The following ADCY5 variants were observed in gnomAD, a reference collection of about 807,000 sequenced individuals.
ADCY5 encodes the protein adenylate cyclase type 5.
ADCY5 carries 30 observed loss-of-function variants against 119.7 expected under a neutral mutation model. The observed-to-expected ratio is 0.25, with a 90% CI of 0.19 to 0.34. The LOEUF is 0.34. Ranked by LOEUF, ADCY5 falls within the 10% of genes least tolerant of loss-of-function variation. The pLI is 1.00. For synonymous variants in ADCY5, 753 were observed against 762.2 expected (o/e 0.99, Z 0.20); for missense variants, 1,324 against 1,775.2 (o/e 0.75, Z 4.57).
At chr3:123,407,639 C>T (rs1340817858) in intron 1 of ADCY5, among the ~76,000 whole-genome samples, 1 of 145,870 alleles carries the variant, frequency 6.9e-6, no homozygotes, top group Non-Finnish European at 1.5e-5. Flanking sequence ...TATGCACCTG[C>T]AGTCTCAGCT....
intron 13 of ADCY5, 59 bp from the exon 14 acceptor site, chr3:123,303,278 AGCCCAGC>A (rs1261592103): frequency 6.4e-7 from 1 of 1,553,914 alleles, no homozygotes; most frequent in African/African-American, 1.4e-5. Flanking sequence ...CAGGTAGAGC[AGCCCAGC>A]CCACCAGGCC....
intron 1 of ADCY5, among the ~76,000 whole-genome samples, chr3:123,438,229 G>A (rs138644377): frequency 3.7e-4 from 57 of 152,266 alleles, no homozygotes; most frequent in Non-Finnish European, 5.0e-4. Context: ...AGTCAAATGT[G>A]TTTGAAAAAG....
At position 123,304,139 on chromosome 3, in the gene ADCY5, C is replaced by G. The variant is rs139747522; in HGVS notation, c.2487G>C (p.Arg829=). 1 of 1,613,528 alleles carries G rather than the reference C, an allele frequency of 6.2e-7. No homozygotes were observed. The highest frequency in any genetic ancestry group is 8.5e-7 in the Non-Finnish European group (1 of 1,179,902). ...PLQTLSRKIV[R]SKMNSTLVGV... is the part of the protein sequence containing the mutation. ...CAACCAGGGTGCTGTTCATCTTGGACCGCACGATCTTCCTGGAGAGGGTCT... is the reference window on the plus strand; with the variant it reads ...CAACCAGGGTGCTGTTCATCTTGGAGCGCACGATCTTCCTGGAGAGGGTCT... Residue 829 remains arginine (R), a synonymous_variant, in exon 13 of 21, where the codon CGG becomes CGC. Coordinates refer to ENST00000462833, the MANE Select transcript of ADCY5 (RefSeq NM_183357.3).
Position 123,304,193 on chromosome 3 carries a change from G to T in ADCY5, c.2443-10C>A. ...GTGGGGAGGGGAAGAGCTAGGGTGGGGGCAGGGGTGGAGAGGGAGGGAGGG... is the reference window on the plus strand; with the variant it reads ...GTGGGGAGGGGAAGAGCTAGGGTGGTGGCAGGGGTGGAGAGGGAGGGAGGG... On this transcript the variant is annotated splice_polypyrimidine_tract_variant and intron_variant, in intron 12 of 20. Transcript: ENST00000462833. The T allele has an allele frequency of 6.9e-7, 1 of 1,458,522 alleles. No individual in the cohort carries two copies. The highest frequency in any genetic ancestry group is 1.7e-5 in the Admixed American group (1 of 59,214). 90.3% of individuals were successfully genotyped at this position (1,458,522 alleles called of 1,614,324 possible).
chr3:123,291,479 G>A (rs949224350), intron 17 of ADCY5, 103 bp from the exon 18 acceptor site: 59 of 1,413,972 alleles, frequency 4.2e-5, no homozygotes, highest in East Asian at 3.1e-4. Flanking sequence ...CACCAGTCAC[G>A]CAAATGCCAA....
At chr3:123,288,062 C>T (rs573592363) in intron 19 of ADCY5, among the ~76,000 whole-genome samples, 1 of 152,368 alleles carries the variant, frequency 6.6e-6, no homozygotes, top group Admixed American at 6.5e-5. Flanking sequence ...GGCTGCACAT[C>T]ACTTAAAGCA....
At position 123,314,372 on chromosome 3, in the gene ADCY5, T is replaced by C. The variant is rs1354580133; in HGVS notation, c.2355-50A>G. On this transcript the variant is annotated intron_variant, in intron 11 of 20. Coordinates refer to ENST00000462833, the MANE Select transcript of ADCY5 (RefSeq NM_183357.3). ...AGAAGCCAGGCTCAGGTGGCAGGGC[T>C]GCAGCTTCTGGGGGACCTGCCTGGC... 3 of 1,463,480 alleles carry C rather than the reference T, an allele frequency of 2.0e-6. No homozygotes were observed. The East Asian group carries it at 7.0e-5, about 34-fold the overall frequency. The allele number at this position is 1,463,480 out of a possible 1,614,324, so 90.7% of individuals were successfully genotyped here.
Position 123,448,455 on chromosome 3 carries a change from C to T in ADCY5, c.91G>A (p.Ala31Thr). The part of the protein sequence containing the change: ...APRGGPEHRS[A>T]WGEADSRANG... The stretch of plus-strand genomic sequence containing the variant: ...GCGCGGGAATCGGCCTCGCCCCACG[C>T]AGAGCGGTGTTCGGGGCCTCCCCGG... The change falls in exon 1 of 21, where the codon GCG becomes ACG. Residue 31 changes from alanine (A) to threonine (T), a missense_variant. Coordinates refer to ENST00000462833, the MANE Select transcript of ADCY5 (RefSeq NM_183357.3). 3.8e-6 allele frequency: 5 copies of T among 1,301,450 alleles called. No homozygotes were observed. The highest frequency in any genetic ancestry group is 3.1e-5 in the East Asian group (1 of 32,082). 80.6% of individuals were successfully genotyped at this position (1,301,450 alleles called of 1,614,324 possible). A position where few individuals can be genotyped will look rare whatever the true frequency, so the allele number is the denominator to read the frequency against.
intron 3 of ADCY5, among the ~76,000 whole-genome samples, chr3:123,346,129 G>T (rs541852341): frequency 6.6e-6 from 1 of 152,244 alleles, no homozygotes; most frequent in Admixed American, 6.5e-5. Flanking sequence ...CAAGCTCTGC[G>T]TAGGTGTGAC....
At chr3:123,294,902 C>A (rs1009836858) in intron 17 of ADCY5, among the ~76,000 whole-genome samples, 1 of 152,096 alleles carries the variant, frequency 6.6e-6, no homozygotes, top group Admixed American at 6.5e-5. Flanking sequence ...AAAATGAGAG[C>A]CTCCTGGAAA....
chr3:123,291,723 C>A (rs370671423), intron 17 of ADCY5, among the ~76,000 whole-genome samples: 10 of 152,196 alleles, frequency 6.6e-5, no homozygotes, highest in Non-Finnish European at 1.5e-4. Flanking sequence ...CAGAACCAGG[C>A]TGGAAGGGAA....
At chr3:123,312,060 C>G (rs1266906976) in intron 12 of ADCY5, among the ~76,000 whole-genome samples, 1 of 152,182 alleles carries the variant, frequency 6.6e-6, no homozygotes, top group African/African-American at 2.4e-5. Context: ...GTGAAGGTGG[C>G]TGCAGGCAGG....
chr3:123,321,373 T>C (rs1941209621), intron 8 of ADCY5, among the ~76,000 whole-genome samples: 1 of 152,218 alleles, frequency 6.6e-6, no homozygotes, highest in African/African-American at 2.4e-5. Flanking sequence ...GGAACCCACC[T>C]GCCACAGATC....
Position 123,447,276 on chromosome 3 carries a change from T to C in ADCY5, c.1134+136A>G, listed in dbSNP as rs1278198101. 12 of 1,016,048 alleles carry C rather than the reference T, an allele frequency of 1.2e-5. No individual in the cohort carries two copies. In the Admixed American group the frequency reaches 2.2e-4, roughly 18 times the overall value. 62.9% of individuals were successfully genotyped at this position (1,016,048 alleles called of 1,614,324 possible). A position where few individuals can be genotyped will look rare whatever the true frequency, so the allele number is the denominator to read the frequency against. On this transcript the variant is annotated intron_variant, in intron 1 of 20. Coordinates refer to ENST00000462833, the MANE Select transcript of ADCY5 (RefSeq NM_183357.3). ...CAGAGTGGGGTAAGAAGCTCCCAAA[T>C]AGCCTACATGGCCGAGCCCTGTCTC... is the stretch of plus-strand genomic sequence containing the variant.
chr3:123,353,831 G>A (rs555293667), intron 1 of ADCY5, among the ~76,000 whole-genome samples: 3 of 152,300 alleles, frequency 2.0e-5, no homozygotes, highest in East Asian at 3.9e-4. Context: ...ACAGCTTTGC[G>A]ATGGTCCTGC....
intron 1 of ADCY5, among the ~76,000 whole-genome samples, chr3:123,357,025 TG>T (rs973912993): frequency 7.9e-5 from 12 of 152,132 alleles, no homozygotes; most frequent in African/African-American, 2.9e-4. Flanking sequence ...CATTTAGATG[TG>T]GGCAAAACTG....
intron 1 of ADCY5, among the ~76,000 whole-genome samples, chr3:123,425,250 G>C (rs924017): frequency 0.99 from 150,843 of 152,320 alleles, 74,711 homozygotes; most frequent in Middle Eastern, 1. Context: ...TCATTACAAC[G>C]TCACACTCCA....
chr3:123,399,512 AT>A (rs78904027), intron 1 of ADCY5, among the ~76,000 whole-genome samples: 50 of 149,136 alleles, frequency 3.4e-4, no homozygotes, highest in African/African-American at 6.1e-4. Flanking sequence ...TCTTAGGCTT[AT>A]TTTTTTTTTA....
chr3:123,284,887 C>G (rs1019964748), intron 20 of ADCY5, 151 bp from the exon 21 acceptor site: 2 of 1,045,220 alleles, frequency 1.9e-6, no homozygotes, highest in African/African-American at 1.6e-5. Flanking sequence ...CTCTCAGGGA[C>G]TGACAGACAG....
Sources: gnomAD v4.1 joint callset for allele counts (sites outside exome capture counted in the v4.1 genomes callset) on GRCh38, gnomAD v4.1.1 for gene constraint, MANE v1.5 for transcripts, NCBI Gene and HGNC (gene_info 2026-07-23, HGNC 2026-07-21) for gene names.